TLL1: variants seen among roughly 807,000 people sequenced by gnomAD.
TLL1 encodes the protein tolloid like 1, also known as tolloid-like protein 1.
A neutral mutation model predicts 128.2 loss-of-function variants in TLL1; 49 were observed. The observed-to-expected ratio is 0.38, with a 90% confidence interval of 0.30 to 0.48. The LOEUF (loss-of-function observed/expected upper bound fraction) is 0.48. Ranked by LOEUF, TLL1 falls within the 20% of genes least tolerant of loss-of-function variation. The pLI is 0.96. For synonymous variants in TLL1, 454 were observed against 418.8 expected, an observed-to-expected ratio of 1.08 and a Z score of -1.03; for missense variants, 1,123 against 1,242.0, an observed-to-expected ratio of 0.90 and a Z score of 1.44.
intron 19 of TLL1, among the ~76,000 whole-genome samples, chr4:166,095,151 T>C (rs1456605168): frequency 6.6e-6 from 1 of 152,100 alleles, no homozygotes; most frequent in Admixed American, 6.5e-5. Flanking sequence ...TATATTTCTG[T>C]ATACAATTTT....
At chr4:165,898,893 C>T (rs1407343612) in intron 1 of TLL1, among the ~76,000 whole-genome samples, 2 of 152,160 alleles carry the variant, frequency 1.3e-5, no homozygotes, top group South Asian at 2.1e-4. Flanking sequence ...TTAATTACTG[C>T]CTCAATTTCA....
intron 1 of TLL1, among the ~76,000 whole-genome samples, chr4:165,924,974 T>TGGG (rs1414219021): frequency 6.6e-6 from 1 of 152,214 alleles, no homozygotes; most frequent in Non-Finnish European, 1.5e-5. Context: ...GTTTATTGAA[T>TGGG]ATTTAAGTCC....
chr4:166,043,224 A>G, intron 11 of TLL1, 50 bp from the exon 12 acceptor site: 1 of 1,612,834 alleles, frequency 6.2e-7, no homozygotes, highest in Non-Finnish European at 8.5e-7. Context: ...AATGAAAATG[A>G]AATAGCATGT....
intron 3 of TLL1, among the ~76,000 whole-genome samples, chr4:165,993,812 C>T (rs1249289168): frequency 1.3e-5 from 2 of 152,054 alleles, no homozygotes; most frequent in Admixed American, 6.6e-5. Context: ...TGCTGCATTC[C>T]TTAATATGAA....
intron 16 of TLL1, among the ~76,000 whole-genome samples, chr4:166,067,620 C>T (rs1316826462): frequency 6.6e-6 from 1 of 151,660 alleles, no homozygotes; most frequent in Non-Finnish European, 1.5e-5. Flanking sequence ...ATACTTAGAA[C>T]ATGGATGATT....
chr4:165,985,540 A>G (rs1257190939), intron 1 of TLL1, among the ~76,000 whole-genome samples: 1 of 151,960 alleles, frequency 6.6e-6, no homozygotes, highest in Admixed American at 6.6e-5. Flanking sequence ...AAATTCGTAC[A>G]TATTTTTGCA....
chr4:165,995,666 G>A (rs1419917220), intron 5 of TLL1, among the ~76,000 whole-genome samples: 2 of 152,126 alleles, frequency 1.3e-5, no homozygotes, highest in African/African-American at 4.8e-5. Context: ...TTATTCAGCA[G>A]TGTTTCCTTC....
chr4:165,914,363 C>A (rs1732685095), intron 1 of TLL1, among the ~76,000 whole-genome samples: 2 of 151,938 alleles, frequency 1.3e-5, no homozygotes, highest in African/African-American at 4.8e-5. Context: ...TTAATAACTT[C>A]TTGATTCTAT....
intron 1 of TLL1, among the ~76,000 whole-genome samples, chr4:165,885,636 G>A (rs1731135203): frequency 3.3e-5 from 5 of 152,074 alleles, no homozygotes; most frequent in Admixed American, 3.3e-4. Context: ...AGGTATGTGA[G>A]AATAGCAGAT....
chr4:165,983,009 A>C (rs968037896), intron 1 of TLL1, among the ~76,000 whole-genome samples: 2 of 151,874 alleles, frequency 1.3e-5, no homozygotes, highest in Non-Finnish European at 2.9e-5. Context: ...TTAATATTTG[A>C]GCAGTGTAAG....
chr4:165,918,670 T>G (rs543143931), intron 1 of TLL1, among the ~76,000 whole-genome samples: 1 of 152,308 alleles, frequency 6.6e-6, no homozygotes, highest in East Asian at 1.9e-4. Context: ...CATCTTGGTC[T>G]CCTCTTACAC....
At chr4:165,969,584 TC>T (rs914042746) in intron 1 of TLL1, among the ~76,000 whole-genome samples, 1 of 152,146 alleles carries the variant, frequency 6.6e-6, no homozygotes, top group Non-Finnish European at 1.5e-5. Context: ...GTCTTCTCTT[TC>T]TTCAAACCAA....
Position 166,017,759 on chromosome 4 carries a change from C to G in TLL1, c.1042+3199C>G, listed in dbSNP as rs543280322. On this transcript the variant is annotated intron_variant, in intron 8 of 20. Transcript: ENST00000061240. ...TCTGTGCATGTGGATATATCTGTCTCCCTTTTTACTTCTTTCTCTTTCTGA... is the reference window on the plus strand; with the variant it reads ...TCTGTGCATGTGGATATATCTGTCTGCCTTTTTACTTCTTTCTCTTTCTGA... Among the ~76,000 whole-genome samples, 6 of 152,152 alleles carry G rather than the reference C, an allele frequency of 3.9e-5. No individual in the cohort carries two copies. The East Asian group carries it at 9.7e-4, about 25-fold the overall frequency.
At position 166,102,204 on chromosome 4, in the gene TLL1, T is replaced by C. The variant is rs974450971; in HGVS notation, c.*1328T>C. The C allele has an allele frequency of 2.6e-5, 4 of 152,494 alleles. No homozygotes were observed. Among genetic ancestry groups the C allele is most frequent in the African/African-American group, 7.2e-5 (3 of 41,452 alleles). The allele number at this position is 152,494 out of a possible 1,614,324, so 9.4% of individuals were successfully genotyped here. A position where few individuals can be genotyped will look rare whatever the true frequency, so the allele number is the denominator to read the frequency against. On this transcript the variant is annotated 3_prime_UTR_variant, in exon 21 of 21. Coordinates refer to ENST00000061240, the MANE Select transcript of TLL1 (RefSeq NM_012464.5). Reference sequence around the variant, plus strand: ...CTCCTAAAACACACCTTTTGAAATGTTGAACATAATAGTGTATGTTAATTA... The same window carrying C: ...CTCCTAAAACACACCTTTTGAAATGCTGAACATAATAGTGTATGTTAATTA...
chr4:165,983,996 T>C (rs1736280382), intron 1 of TLL1, among the ~76,000 whole-genome samples: 1 of 151,862 alleles, frequency 6.6e-6, no homozygotes, highest in Non-Finnish European at 1.5e-5. Context: ...GTTGATTTTA[T>C]ATGGTAGTGT....
chr4:165,960,961 G>A (rs1382653887), intron 1 of TLL1, among the ~76,000 whole-genome samples: 1 of 152,044 alleles, frequency 6.6e-6, no homozygotes, highest in Non-Finnish European at 1.5e-5. Flanking sequence ...TGGTACTGGA[G>A]GTTCTACCCG....
At chr4:165,902,473 T>A (rs1436845017) in intron 1 of TLL1, among the ~76,000 whole-genome samples, 1 of 152,160 alleles carries the variant, frequency 6.6e-6, no homozygotes, top group Non-Finnish European at 1.5e-5. Flanking sequence ...GCACAGTATT[T>A]GAGCCAGAAT....
In TLL1 at chr4:166,035,557, A is replaced by G. The variant is rs142363683; in HGVS notation, c.1159-3782A>G. ...AATGTTTAAGTAAACCAGCGAACTG[A>G]GAAGTTAGAACTTGAACCCAGGTCT... On this transcript the variant is annotated intron_variant, in intron 9 of 20. Coordinates refer to ENST00000061240, the MANE Select transcript of TLL1 (RefSeq NM_012464.5). Among the ~76,000 whole-genome samples the G allele has an allele frequency of 3.0e-3, 451 of 152,272 alleles. 4 individuals carry two copies. Among genetic ancestry groups the G allele is most frequent in the African/African-American group, 0.01 (430 of 41,578 alleles).
At chr4:166,065,135 C>T in intron 15 of TLL1, among the ~76,000 whole-genome samples, 1 of 152,050 alleles carries the variant, frequency 6.6e-6, no homozygotes, top group East Asian at 1.9e-4. Context: ...AATATAAATT[C>T]TTACCTCCTT....
Sources: allele counts gnomAD v4.1 joint callset (sites outside exome capture counted in the v4.1 genomes callset), GRCh38; gene constraint gnomAD v4.1.1; transcripts MANE v1.5; gene names NCBI Gene and HGNC (gene_info 2026-07-23, HGNC 2026-07-21).